Variants in GSAP observed in about 807,000 individuals in gnomAD.
The protein encoded by GSAP is gamma-secretase activating protein, also known as gamma-secretase-activating protein.
GSAP carries 118 observed loss-of-function variants against 131.7 expected under a neutral mutation model. The ratio of observed to expected loss-of-function variants is 0.90; its 90% confidence interval spans 0.77 to 1.04. The LOEUF (loss-of-function observed/expected upper bound fraction) is 1.04, where lower values mean the gene tolerates loss of function less well. GSAP is among the 50% of genes least tolerant of loss of function. The pLI is 0.00. For synonymous variants in GSAP, 381 were observed against 363.4 expected (o/e 1.05, Z -0.55); for missense variants, 1,019 against 1,013.2 (o/e 1.01, Z -0.08).
intron 1 of GSAP, among the ~76,000 whole-genome samples, chr7:77,409,854 A>T (rs1244748848): frequency 6.6e-6 from 1 of 152,224 alleles, no homozygotes; most frequent in Non-Finnish European, 1.5e-5. Flanking sequence ...CAACAAACGC[A>T]GATTACAATA....
intron 5 of GSAP, among the ~76,000 whole-genome samples, chr7:77,388,634 C>T (rs757391474): frequency 1.3e-5 from 2 of 152,170 alleles, no homozygotes; most frequent in Non-Finnish European, 2.9e-5. Flanking sequence ...TAATATGATC[C>T]AGTGTCTCTC....
chr7:77,344,974 A>G (rs1276128470), intron 19 of GSAP, among the ~76,000 whole-genome samples: 1 of 152,228 alleles, frequency 6.6e-6, no homozygotes. Flanking sequence ...ATATTTTTAA[A>G]TGAAAAGTGT....
chr7:77,314,625 A>C (rs1348160193), intron 26 of GSAP, 136 bp from the exon 27 acceptor site: 1 of 886,830 alleles, frequency 1.1e-6, no homozygotes, highest in Non-Finnish European at 1.7e-6. Context: ...CTTGAAAACA[A>C]GGTCCAAGTT....
chr7:77,380,109 C>T, intron 8 of GSAP: 1 of 188,256 alleles, frequency 5.3e-6, no homozygotes, highest in Non-Finnish European at 9.9e-6. Context: ...TGCAACTAAA[C>T]AATTTTCAAA....
intron 1 of GSAP, chr7:77,415,983 C>A (rs577641723): frequency 1.2e-4 from 49 of 403,240 alleles, no homozygotes; most frequent in Admixed American, 9.1e-5. Flanking sequence ...GCGAGCCAGG[C>A]GCCTCAGGCC....
At chr7:77,405,632 G>T (rs1198518494) in intron 2 of GSAP, among the ~76,000 whole-genome samples, 1 of 152,158 alleles carries the variant, frequency 6.6e-6, no homozygotes, top group Non-Finnish European at 1.5e-5. Flanking sequence ...CCTCCTCCTG[G>T]GTTCAAGCGA....
intron 12 of GSAP, among the ~76,000 whole-genome samples, chr7:77,369,597 T>C (rs753670399): frequency 1.3e-5 from 2 of 152,228 alleles, no homozygotes; most frequent in South Asian, 2.1e-4. Context: ...TTAATGTAAA[T>C]AGTTGAAGTA....
intron 6 of GSAP, among the ~76,000 whole-genome samples, chr7:77,384,212 C>T (rs781275345): frequency 1.2e-4 from 18 of 152,200 alleles, no homozygotes; most frequent in Admixed American, 3.3e-4. Context: ...TATGGCCTCC[C>T]GGTCTACAGA....
chr7:77,341,369 ATTC>A (rs1445230819), intron 19 of GSAP, among the ~76,000 whole-genome samples: 2 of 151,982 alleles, frequency 1.3e-5, no homozygotes, highest in South Asian at 2.1e-4. Context: ...CCAGGTCCCA[ATTC>A]TTCTTCAGCC....
At chr7:77,337,301 T>TGGGGGGGGGGGGGGGGGGGGGGG (rs34134192) in intron 19 of GSAP, among the ~76,000 whole-genome samples, 1 of 65,708 alleles carries the variant, frequency 1.5e-5, no homozygotes. Flanking sequence ...GGGGGTGGGG[T>TGGGGGGGGGGGGGGGGGGGGGGG]GGGGGGGGGG....
intron 16 of GSAP, among the ~76,000 whole-genome samples, 172 bp downstream of exon 16, chr7:77,355,041 C>A (rs1200485578): frequency 6.6e-6 from 1 of 152,124 alleles, no homozygotes. Context: ...AGTGTGAGAC[C>A]TGGTAGGGAT....
chr7:77,405,760 A>T (rs1802154645), intron 2 of GSAP, among the ~76,000 whole-genome samples: 1 of 152,140 alleles, frequency 6.6e-6, no homozygotes, highest in Non-Finnish European at 1.5e-5. Context: ...GCTGGTCTCG[A>T]TCTCATGACC....
intron 19 of GSAP, among the ~76,000 whole-genome samples, chr7:77,345,790 G>A (rs976350220): frequency 2.6e-5 from 4 of 151,970 alleles, no homozygotes; most frequent in African/African-American, 7.3e-5. Context: ...GACTCTTTTC[G>A]GACTCAGCCC....
intron 12 of GSAP, 35 bp downstream of exon 12, chr7:77,374,034 CG>C: frequency 8.7e-7 from 1 of 1,145,166 alleles, no homozygotes; most frequent in Non-Finnish European, 1.3e-6. Flanking sequence ...AACTCAAATA[CG>C]GTTGAATAAA....
chr7:77,386,634 G>C (rs1293246549), intron 6 of GSAP, among the ~76,000 whole-genome samples: 4 of 152,250 alleles, frequency 2.6e-5, no homozygotes, highest in African/African-American at 7.2e-5. Flanking sequence ...CTTGCACTTA[G>C]GAACACTAGA....
chr7:77,361,682 T>C (rs12538323), intron 13 of GSAP, among the ~76,000 whole-genome samples: 49,415 of 152,046 alleles, frequency 0.33, 9,380 homozygotes, highest in African/African-American at 0.53. Context: ...ACACCCATAG[T>C]ATATACTGCA....
chr7:77,318,253 T>C (rs1400823071), intron 26 of GSAP, among the ~76,000 whole-genome samples: 4 of 152,350 alleles, frequency 2.6e-5, no homozygotes, highest in African/African-American at 9.6e-5. Context: ...TAATATTAAG[T>C]GGAACCACAT....
rs1241587572 is a variant in GSAP at position 77,311,088 on chromosome 7, G to A, written c.*270C>T. ...CAGAAACTAGCTTGTGGCCTATTAA[G>A]CTACTAGGAAGAGCATCGTTTATGC... On this transcript the variant is annotated 3_prime_UTR_variant, in exon 31 of 31. Transcript: ENST00000257626. 3.2e-6 allele frequency: 1 copy of A among 310,684 alleles called. No homozygotes were observed. Among genetic ancestry groups the A allele is most frequent in the African/African-American group, 2.1e-5 (1 of 46,996 alleles). 19.2% of individuals were successfully genotyped at this position (310,684 alleles called of 1,614,324 possible).
At chr7:77,330,578 T>C in intron 19 of GSAP, 1 of 1,065,456 alleles carries the variant, frequency 9.4e-7, no homozygotes, top group South Asian at 3.5e-5. Flanking sequence ...TGTCTCTTTT[T>C]TTTTTTTTTT....
Sources: gnomAD v4.1 joint callset for allele counts (sites outside exome capture counted in the v4.1 genomes callset) on GRCh38, gnomAD v4.1.1 for gene constraint, MANE v1.5 for transcripts, NCBI Gene and HGNC (gene_info 2026-07-23, HGNC 2026-07-21) for gene names.